Variants in WWOX observed in about 807,000 individuals in gnomAD.
The protein encoded by WWOX is WW domain-containing oxidoreductase.
A neutral mutation model predicts 46.2 loss-of-function variants in WWOX; 69 were observed. The ratio of observed to expected loss-of-function variants is 1.49; its 90% CI spans 1.23 to 1.82. The LOEUF (loss-of-function observed/expected upper bound fraction) is 1.82, where lower values mean the gene tolerates loss of function less well. WWOX is among the 40% of genes most tolerant of loss of function. The pLI is 0.00. For synonymous variants in WWOX, 359 were observed against 202.6 expected, an observed-to-expected ratio of 1.77 and a Z score of -6.56; for missense variants, 919 against 542.6, an observed-to-expected ratio of 1.69 and a Z score of -6.89.
chr16:79,144,185 C>T (rs142217911), intron 8 of WWOX, among the ~76,000 whole-genome samples: 1 of 152,330 alleles, frequency 6.6e-6, no homozygotes, highest in Non-Finnish European at 1.5e-5. Context: ...CAGGCATGAG[C>T]CACTGCACAC....
chr16:78,967,782 T>A (rs1597217018), intron 8 of WWOX, among the ~76,000 whole-genome samples: 2 of 151,972 alleles, frequency 1.3e-5, no homozygotes, highest in East Asian at 3.9e-4. Context: ...GGCACAGAGT[T>A]CCAAATCTTT....
intron 5 of WWOX, among the ~76,000 whole-genome samples, chr16:78,176,454 G>A (rs12600238): frequency 0.19 from 29,067 of 152,132 alleles, 2,921 homozygotes; most frequent in East Asian, 0.33. Flanking sequence ...CTTTTAAATG[G>A]CAGGGGAACC....
intron 8 of WWOX, among the ~76,000 whole-genome samples, chr16:78,914,571 G>C (rs1023253898): frequency 6.6e-6 from 1 of 151,910 alleles, no homozygotes; most frequent in African/African-American, 2.4e-5. Context: ...AGAACTTTTA[G>C]GCACTGTGAG....
intron 8 of WWOX, among the ~76,000 whole-genome samples, chr16:78,824,728 C>T (rs2051601399): frequency 6.6e-6 from 1 of 152,118 alleles, no homozygotes; most frequent in South Asian, 2.1e-4. Context: ...GAGGATAGCG[C>T]AGGAAAGACC....
At chr16:78,316,306 C>T (rs2080355182) in intron 5 of WWOX, among the ~76,000 whole-genome samples, 1 of 152,116 alleles carries the variant, frequency 6.6e-6, no homozygotes, top group Non-Finnish European at 1.5e-5. Flanking sequence ...TGTTGTGTAC[C>T]TCAGATGGCT....
intron 8 of WWOX, among the ~76,000 whole-genome samples, chr16:78,458,972 C>T (rs2083889892): frequency 6.6e-6 from 1 of 152,168 alleles, no homozygotes; most frequent in Non-Finnish European, 1.5e-5. Context: ...CGTCACAAAA[C>T]TACTTGAAGT....
intron 8 of WWOX, among the ~76,000 whole-genome samples, chr16:78,686,283 G>A (rs966126857): frequency 2.0e-5 from 3 of 151,888 alleles, no homozygotes; most frequent in Non-Finnish European, 4.4e-5. Context: ...AGGCCGAGGC[G>A]GGCGGATCAC....
At chr16:79,179,396 T>C (rs2050865370) in intron 8 of WWOX, among the ~76,000 whole-genome samples, 1 of 152,180 alleles carries the variant, frequency 6.6e-6, no homozygotes, top group Admixed American at 6.5e-5. Flanking sequence ...CTTTCCACCC[T>C]CCCCAGCAGT....
At chr16:78,916,675 A>C (rs1458525657) in intron 8 of WWOX, among the ~76,000 whole-genome samples, 2 of 152,366 alleles carry the variant, frequency 1.3e-5, no homozygotes, top group Admixed American at 1.3e-4. Context: ...ATTCCATCCC[A>C]GGCACAATAT....
intron 8 of WWOX, among the ~76,000 whole-genome samples, chr16:78,867,401 A>G (rs1320219393): frequency 1.3e-5 from 2 of 152,050 alleles, no homozygotes; most frequent in African/African-American, 2.4e-5. Flanking sequence ...TCTTACCTCA[A>G]CTGGTGACTC....
intron 5 of WWOX, among the ~76,000 whole-genome samples, chr16:78,201,622 T>G (rs2151776033): frequency 6.6e-6 from 1 of 152,248 alleles, no homozygotes; most frequent in African/African-American, 2.4e-5. Flanking sequence ...ACCCTTAAGC[T>G]CATCTTTACC....
At chr16:79,082,738 A>T (rs567526407) in intron 8 of WWOX, among the ~76,000 whole-genome samples, 5 of 152,300 alleles carry the variant, frequency 3.3e-5, no homozygotes, top group South Asian at 2.1e-4. Flanking sequence ...TGTTCATGTG[A>T]TGCAAACTTT....
chr16:78,337,283 T>C (rs1254181100), intron 5 of WWOX, among the ~76,000 whole-genome samples: 1 of 152,168 alleles, frequency 6.6e-6, no homozygotes, highest in Non-Finnish European at 1.5e-5. Context: ...TTTTTATTCC[T>C]TTATAAGTAC....
At chr16:79,180,124 G>T (rs1273601465) in intron 8 of WWOX, among the ~76,000 whole-genome samples, 1 of 152,180 alleles carries the variant, frequency 6.6e-6, no homozygotes, top group African/African-American at 2.4e-5. Context: ...TGTTAGAAGA[G>T]ACTCTGGGGA....
At chr16:78,814,820 A>C (rs1246118082) in intron 8 of WWOX, among the ~76,000 whole-genome samples, 5 of 152,202 alleles carry the variant, frequency 3.3e-5, no homozygotes, top group African/African-American at 7.2e-5. Context: ...TGTCCCCACT[A>C]GTCCTGTCAT....
intron 8 of WWOX, among the ~76,000 whole-genome samples, chr16:78,657,146 C>T (rs2047099674): frequency 6.6e-6 from 1 of 152,212 alleles, no homozygotes. Flanking sequence ...CCTTCACCAC[C>T]ACCCAATGTG....
chr16:78,594,429 G>GGGCC (rs2045429050), intron 8 of WWOX, among the ~76,000 whole-genome samples: 1 of 32,392 alleles, frequency 3.1e-5, no homozygotes, highest in Admixed American at 6.2e-4. Context: ...CTGAGGAAAG[G>GGGCC]CCCCCCCCCC....
At chr16:79,124,681 G>A (rs544563181) in intron 8 of WWOX, among the ~76,000 whole-genome samples, 2 of 152,184 alleles carry the variant, frequency 1.3e-5, no homozygotes, top group Non-Finnish European at 2.9e-5. Context: ...GAAGGGTGAT[G>A]GGTTGGGCTT....
At chr16:78,735,074 C>G (rs2049054667) in intron 8 of WWOX, among the ~76,000 whole-genome samples, 1 of 151,266 alleles carries the variant, frequency 6.6e-6, no homozygotes, top group Non-Finnish European at 1.5e-5. Context: ...ACCATGTTGG[C>G]CAGGCTGGTC....
Sources: gnomAD v4.1 joint callset for allele counts (sites outside exome capture counted in the v4.1 genomes callset) on GRCh38, gnomAD v4.1.1 for gene constraint, MANE v1.5 for transcripts, NCBI Gene and HGNC (gene_info 2026-07-23, HGNC 2026-07-21) for gene names.